Variants in DPP10 observed in about 807,000 individuals in gnomAD.
DPP10 encodes dipeptidyl peptidase like 10, also known as inactive dipeptidyl peptidase 10.
A neutral mutation model predicts 120.9 loss-of-function variants in DPP10; 33 were observed. The observed-to-expected ratio is 0.27, with a 90% CI of 0.21 to 0.37. The LOEUF is 0.37. Among genes scored for constraint, DPP10 ranks in the 10% least tolerant of loss-of-function variants. The pLI, the probability that DPP10 is intolerant of heterozygous loss-of-function variation, is 1.00. For synonymous variants in DPP10, 337 were observed against 326.1 expected (o/e 1.03, Z -0.36); for missense variants, 816 against 942.8 (o/e 0.87, Z 1.76).
intron 7 of DPP10, among the ~76,000 whole-genome samples, chr2:115,724,408 CA>C (rs1193219691): frequency 6.6e-6 from 1 of 152,160 alleles, no homozygotes; most frequent in Non-Finnish European, 1.5e-5. Context: ...ATATTGGGTC[CA>C]ATCATTTGTT....
intron 1 of DPP10, among the ~76,000 whole-genome samples, chr2:114,563,822 G>A (rs1053223849): frequency 6.6e-6 from 1 of 152,178 alleles, no homozygotes; most frequent in East Asian, 1.9e-4. Flanking sequence ...ACAAAGTGAG[G>A]AAAAGAAATG....
At chr2:114,557,465 C>T (rs1056774362) in intron 1 of DPP10, among the ~76,000 whole-genome samples, 1 of 152,190 alleles carries the variant, frequency 6.6e-6, no homozygotes, top group Admixed American at 6.5e-5. Flanking sequence ...CATCTTTCCA[C>T]ATAAATGGCT....
At chr2:115,249,865 A>G (rs1019515425) in intron 1 of DPP10, among the ~76,000 whole-genome samples, 1 of 152,140 alleles carries the variant, frequency 6.6e-6, no homozygotes, top group African/African-American at 2.4e-5. Flanking sequence ...GAAATGATCA[A>G]ATAGTCCTGA....
At chr2:114,842,520 C>CATATAG (rs2106454051) in intron 1 of DPP10, among the ~76,000 whole-genome samples, 1 of 152,130 alleles carries the variant, frequency 6.6e-6, no homozygotes, top group African/African-American at 2.4e-5. Flanking sequence ...AAAACTAATG[C>CATATAG]ATATAGATCA....
chr2:114,960,218 A>G (rs1698508288), intron 1 of DPP10, among the ~76,000 whole-genome samples: 1 of 152,126 alleles, frequency 6.6e-6, no homozygotes, highest in African/African-American at 2.4e-5. Flanking sequence ...TTATTTTCCT[A>G]TGAACTTTCA....
intron 3 of DPP10, among the ~76,000 whole-genome samples, chr2:115,425,880 A>G (rs2070410354): frequency 6.6e-6 from 1 of 152,196 alleles, no homozygotes; most frequent in African/African-American, 2.4e-5. Flanking sequence ...GGGAGGAGCC[A>G]TGTCACATGG....
At chr2:115,290,766 G>A (rs2060619309) in intron 1 of DPP10, among the ~76,000 whole-genome samples, 2 of 152,096 alleles carry the variant, frequency 1.3e-5, no homozygotes, top group Non-Finnish European at 2.9e-5. Context: ...CAATAATCAT[G>A]CACTTGCAAC....
intron 1 of DPP10, among the ~76,000 whole-genome samples, chr2:114,678,641 T>A (rs184310156): frequency 1.3e-5 from 2 of 152,188 alleles, no homozygotes; most frequent in East Asian, 1.9e-4. Context: ...TATTTTTTTT[T>A]AATCTTTTAA....
rs930671142 is a variant in DPP10, at chr2:115,739,902, C to A, written c.852+9C>A. The A allele has an allele frequency of 1.9e-6, 3 of 1,612,320 alleles. No individual in the cohort carries two copies. Among genetic ancestry groups the A allele is most frequent in the Non-Finnish European group, 2.5e-6 (3 of 1,178,794 alleles). ...AGTATCCGTATCCTAAGGTAAGTAA[C>A]ATGGAAGTACTATTTTGTTCCTTCT... On this transcript the variant is annotated intron_variant, in intron 9 of 25. Transcript: ENST00000410059.
chr2:114,997,537 T>C (rs1321017616), intron 1 of DPP10, among the ~76,000 whole-genome samples: 1 of 151,336 alleles, frequency 6.6e-6, no homozygotes, highest in Admixed American at 6.6e-5. Flanking sequence ...ATGGAATGCC[T>C]TTCAAGGAAA....
intron 1 of DPP10, among the ~76,000 whole-genome samples, chr2:115,199,202 A>G (rs949874882): frequency 1.3e-5 from 2 of 152,184 alleles, no homozygotes; most frequent in Non-Finnish European, 2.9e-5. Flanking sequence ...TGAGCAACTG[A>G]GTTGATAATC....
chr2:115,506,606 G>A (rs1389621837), intron 4 of DPP10, among the ~76,000 whole-genome samples: 1 of 151,960 alleles, frequency 6.6e-6, no homozygotes, highest in Admixed American at 6.6e-5. Context: ...ATGTTTATTT[G>A]TGGAATTTTT....
intron 5 of DPP10, among the ~76,000 whole-genome samples, chr2:115,536,890 C>T (rs1321750490): frequency 6.6e-6 from 1 of 151,946 alleles, no homozygotes. Context: ...GCCTTCATTA[C>T]TCTGGTAAAA....
intron 5 of DPP10, among the ~76,000 whole-genome samples, chr2:115,553,415 T>C (rs1016245566): frequency 2.0e-5 from 3 of 152,096 alleles, no homozygotes; most frequent in Non-Finnish European, 4.4e-5. Flanking sequence ...TATATTAACA[T>C]ATATTAATAA....
Position 115,482,133 on chromosome 2 carries a change from G to T in DPP10, c.272-17377G>T, listed in dbSNP as rs192861184. Among the ~76,000 whole-genome samples, 634 of 151,888 alleles carry T rather than the reference G, an allele frequency of 4.2e-3. 2 individuals are homozygous for T. Among genetic ancestry groups the T allele is most frequent in the Non-Finnish European group, 6.9e-3 (470 of 67,842 alleles). On this transcript the variant is annotated intron_variant, in intron 3 of 25. Transcript: ENST00000410059. ...ATTTGAAACTTTTGTCATCTCAGTT[G>T]TTTCCGTTTTGGTCATCACTATTTT... is the stretch of plus-strand genomic sequence containing the variant.
chr2:115,151,805 T>A (rs1408912764), intron 1 of DPP10, among the ~76,000 whole-genome samples: 2 of 151,968 alleles, frequency 1.3e-5, no homozygotes, highest in South Asian at 4.1e-4. Flanking sequence ...CTATAATACA[T>A]GTCACATTTT....
At chr2:115,583,114 G>A (rs944612427) in intron 5 of DPP10, among the ~76,000 whole-genome samples, 3 of 152,190 alleles carry the variant, frequency 2.0e-5, no homozygotes, top group African/African-American at 7.2e-5. Context: ...TATTTGCATT[G>A]GGTTTTATAT....
chr2:114,612,906 C>T (rs1426729250), intron 1 of DPP10, among the ~76,000 whole-genome samples: 2 of 152,094 alleles, frequency 1.3e-5, no homozygotes, highest in Non-Finnish European at 2.9e-5. Context: ...TTTTCAGCTA[C>T]CTGTTATTTT....
intron 3 of DPP10, among the ~76,000 whole-genome samples, chr2:115,414,326 T>C (rs1157509327): frequency 1.3e-5 from 2 of 152,308 alleles, no homozygotes; most frequent in Non-Finnish European, 2.9e-5. Context: ...TAGATGTTTA[T>C]CTTCTAGTTT....
Sources: allele counts gnomAD v4.1 joint callset (sites outside exome capture counted in the v4.1 genomes callset), GRCh38; gene constraint gnomAD v4.1.1; transcripts MANE v1.5; gene names NCBI Gene and HGNC (gene_info 2026-07-23, HGNC 2026-07-21).